The following COL23A1 variants were observed in gnomAD, a reference collection of about 807,000 sequenced individuals.
COL23A1 encodes the protein collagen alpha-1(XXIII) chain.
A neutral mutation model predicts 99.3 loss-of-function variants in COL23A1; 97 were observed. That is an observed-to-expected ratio of 0.98 (90% confidence interval 0.83 to 1.16). The LOEUF is 1.16. Among genes scored for constraint, COL23A1 ranks in the 50% most tolerant of loss-of-function variants. The probability of loss-of-function intolerance (pLI) is 0.00; values close to 1 mark genes in which losing one functional copy is unlikely to be tolerated. For missense variants in COL23A1, 762 were observed against 757.4 expected (o/e 1.01, Z -0.07); for synonymous variants, 320 against 308.2 (o/e 1.04, Z -0.40).
intron 1 of COL23A1, chr5:178,562,264 A>AT (rs1423305279): frequency 1.2e-5 from 4 of 335,178 alleles, no homozygotes; most frequent in Non-Finnish European, 2.3e-5. Context: ...AAAAAAAAAA[A>AT]AAGAATGGAG....
At chr5:178,560,647 C>T (rs200956666) in intron 2 of COL23A1, 35 bp downstream of exon 2, 311 of 1,591,332 alleles carry the variant, frequency 2.0e-4, no homozygotes, top group East Asian at 8.1e-4. Context: ...GGCGGCCGAA[C>T]GCAGGAGCCA....
intron 2 of COL23A1, among the ~76,000 whole-genome samples, chr5:178,507,117 T>C (rs964892221): frequency 5.9e-5 from 9 of 152,232 alleles, no homozygotes; most frequent in African/African-American, 2.2e-4. Flanking sequence ...AGCAAATATG[T>C]AGACACACTC....
rs1050922277 is a variant in COL23A1, at chr5:178,286,178, G to A, written c.441+2146C>T. Among the ~76,000 whole-genome samples, 9 of 152,308 alleles carry A rather than the reference G, an allele frequency of 5.9e-5. 1 individual carries two copies. The East Asian group carries it at 1.4e-3, about 23-fold the overall frequency. On this transcript the variant is annotated intron_variant, in intron 5 of 28. Transcript: ENST00000390654. ...GCTGTGATACCAGCTTCCTGGAGAC[G>A]TTGACAGGGTGCCCTCATCCCTCAC... is the stretch of plus-strand genomic sequence containing the variant.
chr5:178,318,219 G>T (rs576428759), intron 2 of COL23A1, among the ~76,000 whole-genome samples: 19 of 152,358 alleles, frequency 1.2e-4, no homozygotes, highest in Admixed American at 2.6e-4. Flanking sequence ...ACCTGTGCTG[G>T]GTTTTCTCAC....
chr5:178,244,224 C>T (rs959448904), intron 25 of COL23A1, among the ~76,000 whole-genome samples: 2 of 151,620 alleles, frequency 1.3e-5, no homozygotes, highest in Admixed American at 1.3e-4. Flanking sequence ...CTCTTGACCT[C>T]GTGATCCACC....
intron 2 of COL23A1, among the ~76,000 whole-genome samples, chr5:178,312,837 A>T (rs1758776350): frequency 6.6e-6 from 1 of 152,160 alleles, no homozygotes; most frequent in African/African-American, 2.4e-5. Context: ...CAGTCTGTGA[A>T]GTGCTTTCAT....
rs200175665 is a variant in COL23A1 at position 178,358,044 on chromosome 5, ATG to A, written c.362-51127_362-51126del. 1.5e-5 allele frequency among the ~76,000 whole-genome samples: 2 copies of A among 129,048 alleles called. 1 individual carries two copies. Among genetic ancestry groups the A allele is most frequent in the East Asian group, 4.7e-4 (2 of 4,252 alleles). 84.7% of individuals were successfully genotyped at this position (129,048 alleles called of 152,430 possible). On this transcript the variant is annotated intron_variant, in intron 2 of 28. Coordinates refer to ENST00000390654, the MANE Select transcript of COL23A1 (RefSeq NM_173465.4). ...TGTGTGTATGCGTATGTGTATGTGT[ATG>A]TATGTCTAATGTATGTGTATTGTGT...
intron 3 of COL23A1, among the ~76,000 whole-genome samples, chr5:178,299,728 T>G (rs892771609): frequency 6.6e-6 from 1 of 151,880 alleles, no homozygotes; most frequent in South Asian, 2.1e-4. Flanking sequence ...GTTTCTTTTA[T>G]TTTTTAATTT....
chr5:178,498,250 A>G (rs1163645896), intron 2 of COL23A1, among the ~76,000 whole-genome samples: 1 of 72,108 alleles, frequency 1.4e-5, no homozygotes, highest in African/African-American at 8.6e-5. Context: ...ATATATATAT[A>G]TATATATAAA....
chr5:178,532,918 G>C (rs1760730245), intron 2 of COL23A1, among the ~76,000 whole-genome samples: 1 of 152,182 alleles, frequency 6.6e-6, no homozygotes, highest in Non-Finnish European at 1.5e-5. Context: ...CCTGATCACA[G>C]ACCCCCAGCC....
intron 2 of COL23A1, among the ~76,000 whole-genome samples, chr5:178,492,478 G>A (rs1757983324): frequency 6.6e-6 from 1 of 152,102 alleles, no homozygotes; most frequent in Non-Finnish European, 1.5e-5. Flanking sequence ...CCTTGATCCT[G>A]GACTTCCAGC....
chr5:178,467,653 C>G (rs553172177), intron 2 of COL23A1, among the ~76,000 whole-genome samples: 2 of 152,198 alleles, frequency 1.3e-5, no homozygotes, highest in Non-Finnish European at 2.9e-5. Flanking sequence ...CCCCACCCCA[C>G]GGCACACCCG....
intron 2 of COL23A1, among the ~76,000 whole-genome samples, chr5:178,508,595 A>G (rs1401088636): frequency 6.6e-6 from 1 of 152,180 alleles, no homozygotes; most frequent in Non-Finnish European, 1.5e-5. Context: ...GTTGATATCC[A>G]AAGAAGAAAG....
intron 2 of COL23A1, among the ~76,000 whole-genome samples, chr5:178,518,390 C>G (rs1289139750): frequency 6.6e-6 from 1 of 151,268 alleles, no homozygotes; most frequent in Non-Finnish European, 1.5e-5. Flanking sequence ...TCATCCTGGC[C>G]CGTTCTCAAT....
chr5:178,352,565 C>T (rs7715128), intron 2 of COL23A1, among the ~76,000 whole-genome samples: 76,687 of 152,054 alleles, frequency 0.5, 19,577 homozygotes, highest in Middle Eastern at 0.66. Flanking sequence ...CTCCTCTTGA[C>T]CTCTTTTCAA....
chr5:178,489,052 G>T (rs554104617), intron 2 of COL23A1, among the ~76,000 whole-genome samples: 2 of 152,170 alleles, frequency 1.3e-5, no homozygotes, highest in Non-Finnish European at 2.9e-5. Flanking sequence ...TATTGCTGTC[G>T]ACCTGACTGG....
chr5:178,308,526 C>T lies in COL23A1; in HGVS notation c.362-1607G>A, dbSNP rs891719550. 6.6e-6 allele frequency among the ~76,000 whole-genome samples: 1 copy of T among 152,132 alleles called. No individual in the cohort carries two copies. The highest frequency in any genetic ancestry group is 1.5e-5 in the Non-Finnish European group (1 of 68,026). On this transcript the variant is annotated intron_variant, in intron 2 of 28. Coordinates refer to ENST00000390654, the MANE Select transcript of COL23A1 (RefSeq NM_173465.4). This position sits in a 1 kb window ranked among gnomAD's most constrained non-coding sequence, Gnocchi z 5.1. ...AGCTGGTGAGGCTAGGACTCTGGGA[C>T]CCTCAGAACAGACAACAGCTCCTCA...
chr5:178,575,685 G>T (rs1222507401), intron 1 of COL23A1, among the ~76,000 whole-genome samples: 1 of 152,146 alleles, frequency 6.6e-6, no homozygotes, highest in East Asian at 1.9e-4. Flanking sequence ...CCTGCCACCT[G>T]GTCCTCACTA....
At chr5:178,245,300 TCATCCATCCATC>T (rs144926160) in intron 25 of COL23A1, among the ~76,000 whole-genome samples, 74 of 133,228 alleles carry the variant, frequency 5.6e-4, no homozygotes, top group South Asian at 2.2e-3. Context: ...ACTGCCATCA[TCATCCATCCATC>T]CATCCATCCA....
Sources: allele counts gnomAD v4.1 joint callset (sites outside exome capture counted in the v4.1 genomes callset), GRCh38; gene constraint gnomAD v4.1.1; non-coding constraint Gnocchi (gnomAD v3.1); transcripts MANE v1.5; gene names NCBI Gene and HGNC (gene_info 2026-07-23, HGNC 2026-07-21).